Variants in STYXL1 observed in about 807,000 individuals in gnomAD.
The protein encoded by STYXL1 is serine/threonine/tyrosine-interacting-like protein 1.
A neutral mutation model predicts 36.4 loss-of-function variants in STYXL1; 32 were observed. The observed-to-expected ratio is 0.88, with a 90% CI of 0.66 to 1.18. The LOEUF (loss-of-function observed/expected upper bound fraction) is 1.18. STYXL1 is among the 50% of genes most tolerant of loss of function. The pLI, the probability that STYXL1 is intolerant of heterozygous loss-of-function variation, is 0.00. For missense variants in STYXL1, 354 were observed against 394.1 expected, an observed-to-expected ratio of 0.90 and a Z score of 0.86; for synonymous variants, 133 against 144.1, an observed-to-expected ratio of 0.92 and a Z score of 0.55.
intron 5 of STYXL1, among the ~76,000 whole-genome samples, chr7:76,013,186 C>T (rs949161402): frequency 2.0e-5 from 3 of 149,990 alleles, no homozygotes; most frequent in African/African-American, 4.9e-5. Context: ...ATTAGCCGGG[C>T]GTGCTGGTGG....
chr7:76,033,929 C>T (rs2116375220), intron 1 of STYXL1, among the ~76,000 whole-genome samples: 1 of 152,300 alleles, frequency 6.6e-6, no homozygotes, highest in South Asian at 2.1e-4. Context: ...CTTCTCTGTG[C>T]CTCAGTCCCC....
chr7:76,012,257 T>A (rs1184971485), intron 5 of STYXL1, among the ~76,000 whole-genome samples: 1 of 150,756 alleles, frequency 6.6e-6, no homozygotes, highest in Non-Finnish European at 1.5e-5. Flanking sequence ...CAGGTGTGAG[T>A]CGCCACACCT....
At chr7:76,016,291 TAC>T (rs1438106439) in intron 4 of STYXL1, among the ~76,000 whole-genome samples, 2 of 151,698 alleles carry the variant, frequency 1.3e-5, no homozygotes, top group African/African-American at 2.4e-5. Context: ...TGTATATCTA[TAC>T]ATACATGTGT....
At chr7:76,001,067 C>CA in intron 7 of STYXL1, 65 bp from the exon 8 acceptor site, 1 of 1,278,910 alleles carries the variant, frequency 7.8e-7, no homozygotes. Context: ...GGGTTGCTGT[C>CA]AGACACTGGC....
chr7:76,023,938 G>C (rs1489313427), intron 3 of STYXL1, among the ~76,000 whole-genome samples: 1 of 152,212 alleles, frequency 6.6e-6, no homozygotes, highest in African/African-American at 2.4e-5. Flanking sequence ...GCTTGAACCC[G>C]GGAGGCAGAG....
chr7:76,042,381 C>G (rs991692422), intron 1 of STYXL1, among the ~76,000 whole-genome samples: 1 of 98,896 alleles, frequency 1.0e-5, no homozygotes, highest in Non-Finnish European at 2.2e-5. Flanking sequence ...CCCTGGGTGC[C>G]CTTATGTGCT....
At chr7:76,029,863 C>G (rs1442137604) in intron 2 of STYXL1, among the ~76,000 whole-genome samples, 1 of 152,148 alleles carries the variant, frequency 6.6e-6, no homozygotes, top group African/African-American at 2.4e-5. Context: ...GTAATGCAAG[C>G]GATGGGGAGT....
chr7:76,019,296 T>C lies in STYXL1; in HGVS notation c.307+2555A>G, dbSNP rs565002425. ...ACTGTTTTTTTCTTTTTTTTTTTTTTTTAAATACGTTTTTTTTAGAGACAG... is the reference window on the plus strand; with the variant it reads ...ACTGTTTTTTTCTTTTTTTTTTTTTCTTAAATACGTTTTTTTTAGAGACAG... On this transcript the variant is annotated intron_variant, in intron 4 of 8. Coordinates refer to ENST00000359697, the MANE Select transcript of STYXL1 (RefSeq NM_001317785.2). Among the ~76,000 whole-genome samples the C allele has an allele frequency of 1.3e-3, 203 of 152,020 alleles. 9 individuals are homozygous for C. In the South Asian group the frequency reaches 0.038, roughly 28 times the overall value.
At chr7:76,024,126 C>T (rs868923829) in intron 3 of STYXL1, among the ~76,000 whole-genome samples, 2 of 152,058 alleles carry the variant, frequency 1.3e-5, no homozygotes, top group South Asian at 2.1e-4. Context: ...AAACTCCCCA[C>T]CTCGGCCTCC....
intron 7 of STYXL1, among the ~76,000 whole-genome samples, chr7:76,001,786 C>A (rs1790962534): frequency 7.1e-6 from 1 of 140,574 alleles, no homozygotes; most frequent in Admixed American, 7.6e-5. Flanking sequence ...TGAGCCACTG[C>A]GCCTGATTTT....
At chr7:76,040,827 AAAAAAAG>A (rs548020655) in intron 1 of STYXL1, among the ~76,000 whole-genome samples, 338 of 152,086 alleles carry the variant, frequency 2.2e-3, no homozygotes, top group South Asian at 5.2e-3. Context: ...CACAGCTAAA[AAAAAAAG>A]AAAAAAGAAA....
At chr7:76,003,501 A>G (rs749270422) in intron 7 of STYXL1, among the ~76,000 whole-genome samples, 1 of 152,232 alleles carries the variant, frequency 6.6e-6, no homozygotes, top group Non-Finnish European at 1.5e-5. Context: ...GGGCACAGCC[A>G]TCTAGCCAGG....
chr7:76,041,932 G>T (rs907504888), intron 1 of STYXL1, among the ~76,000 whole-genome samples: 1 of 152,196 alleles, frequency 6.6e-6, no homozygotes, highest in Non-Finnish European at 1.5e-5. Flanking sequence ...GTTGTTACAA[G>T]GGTGGAATTT....
At chr7:76,001,947 A>G (rs1269969689) in intron 7 of STYXL1, among the ~76,000 whole-genome samples, 1 of 149,772 alleles carries the variant, frequency 6.7e-6, no homozygotes, top group Non-Finnish European at 1.5e-5. Context: ...GCCTATTTTT[A>G]TTTATTTTAT....
chr7:76,030,871 A>T (rs1262534781), intron 1 of STYXL1, among the ~76,000 whole-genome samples: 2 of 151,046 alleles, frequency 1.3e-5, no homozygotes, highest in Non-Finnish European at 3.0e-5. Context: ...AAAAAAAAAA[A>T]AAAAATTGGC....
At chr7:76,046,300 G>A (rs1353819260) in intron 1 of STYXL1, among the ~76,000 whole-genome samples, 1 of 31,392 alleles carries the variant, frequency 3.2e-5, no homozygotes, top group African/African-American at 7.1e-5. Flanking sequence ...GTGTGTGTGT[G>A]TGTGTGTGTG....
chr7:76,000,149 C>T (rs1323080027), intron 8 of STYXL1, among the ~76,000 whole-genome samples: 2 of 147,214 alleles, frequency 1.4e-5, no homozygotes, highest in African/African-American at 5.1e-5. Flanking sequence ...GTTCAAGAAT[C>T]GCTTGAACCC....
chr7:76,030,173 AT>A (rs1795167349), intron 2 of STYXL1, among the ~76,000 whole-genome samples: 1 of 151,708 alleles, frequency 6.6e-6, no homozygotes, highest in Admixed American at 6.6e-5. Context: ...ATTTTTTTGT[AT>A]TTTTAGTAGA....
chr7:76,000,218 CAAAAAAAA>C (rs35153306), intron 8 of STYXL1, among the ~76,000 whole-genome samples: 4 of 69,462 alleles, frequency 5.8e-5, no homozygotes, highest in Non-Finnish European at 9.5e-5. Flanking sequence ...GACTCCATCT[CAAAAAAAA>C]AAAAAAAAAA....
Sources: gnomAD v4.1 joint callset for allele counts (sites outside exome capture counted in the v4.1 genomes callset) on GRCh38, gnomAD v4.1.1 for gene constraint, MANE v1.5 for transcripts, NCBI Gene and HGNC (gene_info 2026-07-23, HGNC 2026-07-21) for gene names.